ZHX2: variants seen among roughly 807,000 people sequenced by gnomAD.
ZHX2 encodes the protein zinc fingers and homeoboxes protein 2.
In ZHX2, 6 loss-of-function variants were observed where a neutral mutation model predicts 21.9. The ratio of observed to expected loss-of-function variants is 0.27; its 90% CI spans 0.15 to 0.54. ZHX2 has a LOEUF of 0.54. Ranked by LOEUF, ZHX2 falls within the 20% of genes least tolerant of loss-of-function variation. The pLI is 0.95. For synonymous variants in ZHX2, 434 were observed against 437.1 expected (o/e 0.99, Z 0.09); for missense variants, 908 against 1,090.7 (o/e 0.83, Z 2.36).
chr8:122,825,074 A>G (rs1383289513), intron 1 of ZHX2, among the ~76,000 whole-genome samples: 1 of 152,198 alleles, frequency 6.6e-6, no homozygotes, highest in Non-Finnish European at 1.5e-5. Flanking sequence ...CCATCTCAAG[A>G]TCCTGAACCT....
intron 2 of ZHX2, among the ~76,000 whole-genome samples, chr8:122,941,122 C>T (rs2130208660): frequency 6.6e-6 from 1 of 151,894 alleles, no homozygotes; most frequent in African/African-American, 2.4e-5. Context: ...TGGCATGTGC[C>T]TGTAGTCCCA....
chr8:122,791,157 T>C (rs1817511068), intron 1 of ZHX2, among the ~76,000 whole-genome samples: 3 of 152,230 alleles, frequency 2.0e-5, no homozygotes, highest in Non-Finnish European at 4.4e-5. Context: ...AGGATGGGTG[T>C]GCATTCAGGG....
chr8:122,940,351 G>T (rs146748204), intron 2 of ZHX2, among the ~76,000 whole-genome samples: 2 of 152,278 alleles, frequency 1.3e-5, no homozygotes, highest in East Asian at 3.9e-4. Flanking sequence ...GAGTAAATTC[G>T]GGGCTCCCGG....
intron 1 of ZHX2, among the ~76,000 whole-genome samples, chr8:122,791,005 C>CA (rs1488634966): frequency 6.6e-6 from 1 of 152,232 alleles, no homozygotes; most frequent in Admixed American, 6.5e-5. Flanking sequence ...AGGCTTGTGC[C>CA]ACACTGATGT....
chr8:122,807,134 C>A (rs1157720345), intron 1 of ZHX2, among the ~76,000 whole-genome samples: 1 of 152,170 alleles, frequency 6.6e-6, no homozygotes, highest in Admixed American at 6.5e-5. Flanking sequence ...GTTGTTGGAT[C>A]ATCGAAGCCT....
In ZHX2 at chr8:122,837,427, A is replaced by C. The variant is rs187852787; in HGVS notation, c.-282-26050A>C. On this transcript the variant is annotated intron_variant, in intron 1 of 3. Transcript: ENST00000314393. The stretch of plus-strand genomic sequence containing the variant: ...ATCCTGGAAGTCACTTGTAATAAGG[A>C]AAGTTATTCCATAAGCTGGTCCTGC... 3.3e-4 allele frequency among the ~76,000 whole-genome samples: 50 copies of C among 152,242 alleles called. 1 individual carries two copies. Among genetic ancestry groups the C allele is most frequent in the African/African-American group, 9.9e-4 (41 of 41,538 alleles).
chr8:122,813,455 A>G (rs1021415468), intron 1 of ZHX2, among the ~76,000 whole-genome samples: 2 of 152,174 alleles, frequency 1.3e-5, no homozygotes, highest in African/African-American at 4.8e-5. Flanking sequence ...CTTGACTGGC[A>G]TGATGACTTT....
intron 3 of ZHX2, among the ~76,000 whole-genome samples, chr8:122,957,867 A>T (rs1008475345): frequency 1.3e-5 from 2 of 152,170 alleles, no homozygotes; most frequent in Non-Finnish European, 2.9e-5. Context: ...TCCTTAAAGG[A>T]ATCTTTCAAT....
At chr8:122,878,045 A>G (rs569257432) in intron 2 of ZHX2, among the ~76,000 whole-genome samples, 1 of 151,664 alleles carries the variant, frequency 6.6e-6, no homozygotes, top group African/African-American at 2.4e-5. Context: ...CACTGGGTGG[A>G]CTAATATGAG....
intron 3 of ZHX2, among the ~76,000 whole-genome samples, chr8:122,957,314 A>C (rs1382284692): frequency 1.3e-5 from 2 of 149,506 alleles, no homozygotes; most frequent in Non-Finnish European, 3.0e-5. Flanking sequence ...AAAAAAAAAA[A>C]CATGCAGGAA....
intron 2 of ZHX2, among the ~76,000 whole-genome samples, chr8:122,900,817 C>T (rs1178293685): frequency 6.6e-6 from 1 of 152,150 alleles, no homozygotes; most frequent in African/African-American, 2.4e-5. Flanking sequence ...CATTCCTGAA[C>T]AAGAAGCTGT....
intron 1 of ZHX2, among the ~76,000 whole-genome samples, chr8:122,857,989 G>A (rs1456601225): frequency 6.6e-6 from 1 of 152,230 alleles, no homozygotes; most frequent in East Asian, 1.9e-4. Context: ...GCCCTTCTGA[G>A]TGAAAGGCTA....
At chr8:122,841,348 TC>T (rs2130710718) in intron 1 of ZHX2, among the ~76,000 whole-genome samples, 1 of 152,266 alleles carries the variant, frequency 6.6e-6, no homozygotes, top group Admixed American at 6.5e-5. Flanking sequence ...TCATAAGAAT[TC>T]CCTGAAGCAT....
intron 2 of ZHX2, among the ~76,000 whole-genome samples, chr8:122,930,651 T>G (rs1415688845): frequency 5.9e-5 from 9 of 151,816 alleles, no homozygotes; most frequent in African/African-American, 1.9e-4. Context: ...TTTGTTTTTT[T>G]TTTTTTTTTA....
chr8:122,911,652 G>A lies in ZHX2; in HGVS notation c.-219-39640G>A, dbSNP rs570792728. ...CTATGTGCTGAGCCCTGGGGACACA[G>A]CAGTGTACAAGAAGGACCGAGGTTT... On this transcript the variant is annotated intron_variant, in intron 2 of 3. Transcript: ENST00000314393. Among the ~76,000 whole-genome samples the A allele has an allele frequency of 3.3e-5, 5 of 152,322 alleles. No individual in the cohort carries two copies. In the East Asian group the frequency reaches 9.6e-4, roughly 29 times the overall value.
At chr8:122,958,388 G>C (rs1024961570) in intron 3 of ZHX2, among the ~76,000 whole-genome samples, 1 of 152,234 alleles carries the variant, frequency 6.6e-6, no homozygotes, top group African/African-American at 2.4e-5. Flanking sequence ...TCAGAAAAAT[G>C]AGTCAACGTA....
At chr8:122,839,952 A>G (rs1031742440) in intron 1 of ZHX2, among the ~76,000 whole-genome samples, 1 of 152,066 alleles carries the variant, frequency 6.6e-6, no homozygotes, top group Non-Finnish European at 1.5e-5. Flanking sequence ...GAAGGTTGAG[A>G]AATATATATT....
chr8:122,803,893 C>A (rs896196745), intron 1 of ZHX2, among the ~76,000 whole-genome samples: 3 of 152,086 alleles, frequency 2.0e-5, no homozygotes, highest in Non-Finnish European at 4.4e-5. Flanking sequence ...TGCTGGGCGG[C>A]CTGTTTGAGA....
At chr8:122,891,668 AC>A (rs762374970) in intron 2 of ZHX2, among the ~76,000 whole-genome samples, 11 of 152,034 alleles carry the variant, frequency 7.2e-5, no homozygotes. Flanking sequence ...TTCTTTCTTA[AC>A]CTCTTCATTG....
Sources: allele counts gnomAD v4.1 joint callset (sites outside exome capture counted in the v4.1 genomes callset), GRCh38; gene constraint gnomAD v4.1.1; transcripts MANE v1.5; gene names NCBI Gene and HGNC (gene_info 2026-07-23, HGNC 2026-07-21).